KMT2B: variants seen among roughly 807,000 people sequenced by gnomAD.
KMT2B encodes histone-lysine N-methyltransferase 2B.
KMT2B carries 22 observed loss-of-function variants against 255.3 expected under a neutral mutation model. The ratio of observed to expected loss-of-function variants is 0.09; its 90% confidence interval spans 0.06 to 0.12. KMT2B has a LOEUF of 0.12. Ranked by LOEUF, KMT2B falls within the 10% of genes least tolerant of loss-of-function variation. KMT2B has a pLI of 1.00. For missense variants in KMT2B, 3,149 were observed against 3,737.0 expected (o/e 0.84, Z 4.10); for synonymous variants, 1,730 against 1,498.1 (o/e 1.15, Z -3.57).
At chr19:35,719,678 A>G in intron 2 of KMT2B, 106 bp from the exon 3 acceptor site, 1 of 1,516,966 alleles carries the variant, frequency 6.6e-7, no homozygotes. Flanking sequence ...TAGTCTGGGC[A>G]GCGGGGGAAA....
chr19:35,726,916 G>A (rs896008640), intron 14 of KMT2B, among the ~76,000 whole-genome samples: 27 of 151,232 alleles, frequency 1.8e-4, no homozygotes, highest in Non-Finnish European at 2.9e-4. Context: ...CCCGGGAGGC[G>A]GAGGTTGCAG....
Position 35,725,321 on chromosome 19 carries a change from A to T in KMT2B, c.3630A>T (p.Lys1210Asn). 6.4e-7 allele frequency: 1 copy of T among 1,565,550 alleles called. No homozygotes were observed. Among genetic ancestry groups the T allele is most frequent in the Non-Finnish European group, 8.7e-7 (1 of 1,155,772 alleles). Residue 1210 changes from lysine (K) to asparagine (N), a missense_variant, in exon 11 of 37, where the codon AAA (lysine) becomes AAT (asparagine). By Grantham distance (94) the Lys-to-Asn change is moderately conservative. Transcript: ENST00000420124. The surrounding 1 kb of genome is among the most constrained non-coding windows in gnomAD (Gnocchi z 4.1). ...PPMVCLLCAS[K>N]GLHELVFCQV... is the part of the protein sequence containing the mutation. ...TGGTGTGCTTGCTGTGTGCCAGCAA[A>T]GGACTCCACGAGGTTAGATCTCTGC...
rs1969795621 is a variant in KMT2B at position 35,733,357 on chromosome 19, A to C, written c.6808A>C (p.Ser2270Arg). 1 of 1,283,762 alleles carries C rather than the reference A, an allele frequency of 7.8e-7. No homozygotes were observed. The highest frequency in any genetic ancestry group is 1.0e-6 in the Non-Finnish European group (1 of 978,132). 79.5% of individuals were successfully genotyped at this position (1,283,762 alleles called of 1,614,324 possible). The change falls in exon 28 of 37, where the codon AGC (serine) becomes CGC (arginine). Residue 2270 changes from serine (S) to arginine (R), a missense_variant. By Grantham distance (110) the Ser-to-Arg change is moderately radical (BLOSUM62 -1). Around this residue, in one of 18 missense-constraint regions of KMT2B, gnomAD observed 897 missense variants for 825.3 expected, o/e 1.09. Coordinates refer to ENST00000420124, the MANE Select transcript of KMT2B (RefSeq NM_014727.3). This position sits in a 1 kb window ranked among gnomAD's most constrained non-coding sequence, Gnocchi z 4.3. The stretch of plus-strand genomic sequence containing the variant: ...GCTGGTGCTGAGCAGTGGGCCAGCC[A>C]GCCCGCCCCGCCAGGCCATCCGCGT... ...LTLVLSSGPA[S>R]PPRQAIRVKR...
intron 22 of KMT2B, 119 bp from the exon 23 acceptor site, chr19:35,729,848 C>T: frequency 9.9e-7 from 1 of 1,005,924 alleles, no homozygotes; most frequent in Non-Finnish European, 1.4e-6. Context: ...AGAGGCTGCG[C>T]CTAGGGAGAG....
Position 35,727,619 on chromosome 19 carries a change from C to G in KMT2B, c.4299C>G (p.Thr1433=). ...SKVVGPLLLC[T]QCGPDGKQLH... ...TGGTGGGCCCACTGCTGCTCTGCAC[C>G]CAGGTCTGGAGGGCCCTGGAGGCAG... Residue 1433 remains threonine (T), a synonymous_variant, in exon 16 of 37, where the codon ACC becomes ACG. Transcript: ENST00000420124. The surrounding 1 kb of genome is among the most constrained non-coding windows in gnomAD (Gnocchi z 4.2). The G allele has an allele frequency of 6.2e-7, 1 of 1,609,134 alleles. No individual in the cohort carries two copies. The highest frequency in any genetic ancestry group is 8.5e-7 in the Non-Finnish European group (1 of 1,177,982).
chr19:35,736,875 C>T, intron 31 of KMT2B, 37 bp from the exon 32 acceptor site: 7 of 1,613,894 alleles, frequency 4.3e-6, no homozygotes, highest in Non-Finnish European at 5.9e-6. Context: ...CCATAAAACA[C>T]CATCCTGACT....
In KMT2B at chr19:35,737,394, A is replaced by G. The variant is rs1015628255; in HGVS notation, c.7550+131A>G. The G allele has an allele frequency of 9.4e-7, 1 of 1,064,280 alleles. No homozygotes were observed. Among genetic ancestry groups the G allele is most frequent in the African/African-American group, 1.6e-5 (1 of 62,306 alleles). The allele number at this position is 1,064,280 out of a possible 1,614,324, so 65.9% of individuals were successfully genotyped here. A position where few individuals can be genotyped will look rare whatever the true frequency, so the allele number is the denominator to read the frequency against. On this transcript the variant is annotated intron_variant, in intron 33 of 36. Transcript: ENST00000420124. This position sits in a 1 kb window ranked among gnomAD's most constrained non-coding sequence, Gnocchi z 5.3. Reference sequence around the variant, plus strand: ...CTAGGTCACTTGAAGAGTTATTTCTAGAGTTAGCCAGGCTCCGTGGCTCAT... The same window carrying G: ...CTAGGTCACTTGAAGAGTTATTTCTGGAGTTAGCCAGGCTCCGTGGCTCAT...
In KMT2B at chr19:35,718,399, G is replaced by A; in HGVS notation, c.363+18G>A. On this transcript the variant is annotated intron_variant, in intron 1 of 36. Coordinates refer to ENST00000420124, the MANE Select transcript of KMT2B (RefSeq NM_014727.3). The surrounding 1 kb of genome is among the most constrained non-coding windows in gnomAD (Gnocchi z 5.0). ...ACGAGGAGGTGAGGCGGTTGGAGGC[G>A]TCCCCGGCGCCGGGTGGGGCGGAGG... 1 of 1,256,946 alleles carries A rather than the reference G, an allele frequency of 8.0e-7. No homozygotes were observed. The highest frequency in any genetic ancestry group is 1.0e-6 in the Non-Finnish European group (1 of 992,586). 77.9% of individuals were successfully genotyped at this position (1,256,946 alleles called of 1,614,324 possible). A position where few individuals can be genotyped will look rare whatever the true frequency, so the allele number is the denominator to read the frequency against.
At chr19:35,722,248 C>T (rs1969246696) in intron 3 of KMT2B, 111 bp from the exon 4 acceptor site, 2 of 1,102,128 alleles carry the variant, frequency 1.8e-6, no homozygotes, top group Non-Finnish European at 2.5e-6. Flanking sequence ...CGTGATCTGC[C>T]CGTCTCGGCC....
At position 35,737,681 on chromosome 19, in the gene KMT2B, G is replaced by T; in HGVS notation, c.7596G>T (p.Arg2532=). 1 of 1,579,666 alleles carries T rather than the reference G, an allele frequency of 6.3e-7. No homozygotes were observed. Among genetic ancestry groups the T allele is most frequent in the Non-Finnish European group, 8.6e-7 (1 of 1,162,464 alleles). The change falls in exon 34 of 37, where the codon CGG becomes CGT. Residue 2532 remains arginine, a synonymous_variant. Transcript: ENST00000420124. The surrounding 1 kb of genome is among the most constrained non-coding windows in gnomAD (Gnocchi z 5.3). Reference sequence around the variant, plus strand: ...TCAACTTCCTGGCCTCCCAGCACCGGGTGCTCCCTGAGGGGGCCACCTGTG... The same window carrying T: ...TCAACTTCCTGGCCTCCCAGCACCGTGTGCTCCCTGAGGGGGCCACCTGTG... ...DMFNFLASQH[R]VLPEGATCDE...
rs1477609318 is a variant in KMT2B, at chr19:35,730,531, A to C, written c.5198-7A>C. The C allele has an allele frequency of 6.2e-7, 1 of 1,613,958 alleles. No individual in the cohort carries two copies. Among genetic ancestry groups the C allele is most frequent in the Non-Finnish European group, 8.5e-7 (1 of 1,179,878 alleles). Reference sequence around the variant, plus strand: ...CTGCCTCTCCTGACCTCCGCTTTGCACCACAGGTTCCATCCGCATTGACTC... The same window carrying C: ...CTGCCTCTCCTGACCTCCGCTTTGCCCCACAGGTTCCATCCGCATTGACTC... On this transcript the variant is annotated splice_region_variant and splice_polypyrimidine_tract_variant and intron_variant, in intron 24 of 36. Coordinates refer to ENST00000420124, the MANE Select transcript of KMT2B (RefSeq NM_014727.3).
Position 35,722,666 on chromosome 19 carries a change from C to T in KMT2B, c.2670C>T (p.Val890=), listed in dbSNP as rs767717929. 40 of 1,612,592 alleles carry T rather than the reference C, an allele frequency of 2.5e-5. No individual in the cohort carries two copies. The highest frequency in any genetic ancestry group is 3.2e-5 in the Non-Finnish European group (38 of 1,179,528). Residue 890 remains valine, a synonymous_variant, in exon 5 of 37, where the codon GTC becomes GTT. Coordinates refer to ENST00000420124, the MANE Select transcript of KMT2B (RefSeq NM_014727.3). ...CCCGGGCCATGGTGCCTGAAGATGT[C>T]CCTCGCCTCAGTGCCCTCCCTCTCC... ...GQARAMVPED[V]PRLSALPLRD...
At chr19:35,727,000 A>G (rs1367114912) in intron 14 of KMT2B, among the ~76,000 whole-genome samples, 156 bp from the exon 15 acceptor site, 1 of 150,192 alleles carries the variant, frequency 6.7e-6, no homozygotes, top group East Asian at 2.0e-4. Context: ...AAAAAAAAAA[A>G]AAAAGCCTCA....
chr19:35,724,785 CAG>C, intron 9 of KMT2B, 54 bp downstream of exon 9: 1 of 1,450,374 alleles, frequency 6.9e-7, no homozygotes. Flanking sequence ...CCTGGCAAGT[CAG>C]AGTGACAGAC....
At position 35,721,756 on chromosome 19, in the gene KMT2B, A is replaced by C. The variant is rs1165299328; in HGVS notation, c.2409A>C (p.Leu803=). ...TCCTCAAGAGAGCCAAAGTGCAGCT[A>C]TTCAAGATCGATCAGCAGCAGCAGC... The part of the protein sequence containing the change: ...FSLLKRAKVQ[L]FKIDQQQQQK... The change falls in exon 3 of 37, where the codon CTA becomes CTC. Residue 803 remains leucine, a synonymous_variant. Transcript: ENST00000420124. 3.7e-6 allele frequency: 6 copies of C among 1,606,332 alleles called. No individual in the cohort carries two copies. Among genetic ancestry groups the C allele is most frequent in the Non-Finnish European group, 5.1e-6 (6 of 1,175,484 alleles).
chr19:35,731,767 G>C (rs1242994428), intron 26 of KMT2B, 141 bp from the exon 27 acceptor site: 1 of 691,496 alleles, frequency 1.4e-6, no homozygotes, highest in Non-Finnish European at 2.5e-6. Flanking sequence ...GGTTTAGCCT[G>C]GGTGGTCACT....
In KMT2B at chr19:35,720,056, G is replaced by A; in HGVS notation, c.709G>A (p.Ala237Thr). 1 of 1,610,668 alleles carries A rather than the reference G, an allele frequency of 6.2e-7. No homozygotes were observed. Residue 237 changes from alanine (A) to threonine (T), a missense_variant, in exon 3 of 37, where the codon GCA becomes ACA. By Grantham distance (58) the Ala-to-Thr change is moderately conservative. Transcript: ENST00000420124. Reference protein sequence around the residue: ...PAGPCRRKQQAVVVAEAAVTI... With the variant: ...PAGPCRRKQQTVVVAEAAVTI... ...AGGCCCCTGCAGGAGGAAGCAGCAA[G>A]CAGTAGTGGTGGCAGAAGCAGCTGT... is the stretch of plus-strand genomic sequence containing the variant.
In KMT2B at chr19:35,725,609, A is replaced by G. The variant is rs774060619; in HGVS notation, c.3773A>G (p.Lys1258Arg). 1.9e-6 allele frequency: 3 copies of G among 1,610,842 alleles called. No individual in the cohort carries two copies. The highest frequency in any genetic ancestry group is 2.2e-5 in the South Asian group (2 of 91,086). ...RCKFCHVCGR[K>R]GRGSKHLLEC... ...AAATTCTGCCACGTCTGTGGACGCA[A>G]AGGTCGTGGATCCAAGGTTTGGGCC... Residue 1258 changes from lysine (K) to arginine (R), a missense_variant, in exon 12 of 37, where the codon AAA becomes AGA. By Grantham distance (26) the Lys-to-Arg change is conservative. Around this residue, in one of 18 missense-constraint regions of KMT2B, gnomAD observed 377 missense variants for 471.0 expected, o/e 0.80. Coordinates refer to ENST00000420124, the MANE Select transcript of KMT2B (RefSeq NM_014727.3). The surrounding 1 kb of genome is among the most constrained non-coding windows in gnomAD (Gnocchi z 4.1).
rs1969167732 is a variant in KMT2B at position 35,720,894 on chromosome 19, A to G, written c.1547A>G (p.Lys516Arg). The G allele has an allele frequency of 6.2e-7, 1 of 1,603,780 alleles. No individual in the cohort carries two copies. Among genetic ancestry groups the G allele is most frequent in the African/African-American group, 1.3e-5 (1 of 74,306 alleles). ...PPEDSPTVAP[K>R]STTFLKNIRQ... ...GAAGACAGTCCCACCGTGGCCCCCA[A>G]AAGCACCACCTTCCTGAAGAATATC... The change falls in exon 3 of 37, where the codon AAA (lysine) becomes AGA (arginine). Residue 516 changes from lysine (K) to arginine (R), a missense_variant. Around this residue, in one of 18 missense-constraint regions of KMT2B, gnomAD observed 1,188 missense variants for 1,106.4 expected, o/e 1.07. Transcript: ENST00000420124.
Sources: allele counts gnomAD v4.1 joint callset (sites outside exome capture counted in the v4.1 genomes callset), GRCh38; gene constraint gnomAD v4.1.1; regional missense constraint gnomAD v4.1.1; non-coding constraint Gnocchi (gnomAD v3.1); transcripts MANE v1.5; gene names NCBI Gene and HGNC (gene_info 2026-07-23, HGNC 2026-07-21).